ARHGAP22: variants seen among roughly 807,000 people sequenced by gnomAD.
ARHGAP22 encodes the protein Rho GTPase activating protein 22.
In ARHGAP22, 48 loss-of-function variants were observed where a neutral mutation model predicts 59.1. The observed-to-expected ratio is 0.81, with a 90% CI of 0.64 to 1.03. The LOEUF (loss-of-function observed/expected upper bound fraction) is 1.03. ARHGAP22 is among the 50% of genes least tolerant of loss of function. ARHGAP22 has a pLI of 0.00. For missense variants in ARHGAP22, 1,015 were observed against 958.7 expected (o/e 1.06, Z -0.78); for synonymous variants, 445 against 416.4 (o/e 1.07, Z -0.84).
chr10:48,587,208 A>G (rs2059481530), intron 1 of ARHGAP22, among the ~76,000 whole-genome samples: 1 of 152,156 alleles, frequency 6.6e-6, no homozygotes, highest in Non-Finnish European at 1.5e-5. Context: ...CTCCATCTCA[A>G]GCCAGCAAGG....
chr10:48,526,992 A>G (rs1013461097), intron 3 of ARHGAP22, among the ~76,000 whole-genome samples: 3 of 152,218 alleles, frequency 2.0e-5, no homozygotes, highest in African/African-American at 7.2e-5. Flanking sequence ...GGAAAATAAC[A>G]TTCACTATGT....
At chr10:48,532,133 C>G (rs754618777) in intron 3 of ARHGAP22, among the ~76,000 whole-genome samples, 3 of 152,222 alleles carry the variant, frequency 2.0e-5, no homozygotes, top group African/African-American at 7.2e-5. Context: ...GATATGTCAT[C>G]AGATCCAATC....
intron 2 of ARHGAP22, among the ~76,000 whole-genome samples, chr10:48,578,814 T>G (rs2058927073): frequency 6.6e-6 from 1 of 152,162 alleles, no homozygotes; most frequent in Non-Finnish European, 1.5e-5. Context: ...AGGAATTATA[T>G]CTCTCTGTTC....
upstream of ARHGAP22, among the ~76,000 whole-genome samples, chr10:48,655,112 C>CTCTTTTCTTT: frequency 8.3e-3 from 284 of 34,060 alleles, 17 homozygotes; most frequent in African/African-American, 0.027. Flanking sequence ...CTCTTCTCTT[C>CTCTTTTCTTT]TCTTTCCTCT....
intron 3 of ARHGAP22, among the ~76,000 whole-genome samples, chr10:48,521,973 G>A (rs751047740): frequency 3.3e-5 from 5 of 152,186 alleles, no homozygotes; most frequent in Admixed American, 6.5e-5. Context: ...AACCCTTCCC[G>A]TGTTTATTGC....
At chr10:48,637,079 C>A (rs1439625826) in intron 1 of ARHGAP22, among the ~76,000 whole-genome samples, 2 of 152,206 alleles carry the variant, frequency 1.3e-5, no homozygotes, top group Non-Finnish European at 2.9e-5. Context: ...TTGCTGCCAT[C>A]CCTGCCAGGC....
chr10:48,589,039 G>A (rs1452271762), intron 1 of ARHGAP22, among the ~76,000 whole-genome samples: 1 of 152,214 alleles, frequency 6.6e-6, no homozygotes, highest in South Asian at 2.1e-4. Context: ...GTGTGCCGAG[G>A]GGCCGCTGTC....
intron 2 of ARHGAP22, among the ~76,000 whole-genome samples, chr10:48,579,990 G>A (rs942307083): frequency 4.6e-5 from 7 of 152,230 alleles, no homozygotes; most frequent in Non-Finnish European, 8.8e-5. Context: ...AACCTGGGCA[G>A]TGGGGTGCCA....
chr10:48,607,587 G>A (rs938582879), upstream of ARHGAP22, among the ~76,000 whole-genome samples: 3 of 152,172 alleles, frequency 2.0e-5, no homozygotes, highest in Non-Finnish European at 4.4e-5. Flanking sequence ...CAAGGGCAGG[G>A]CAAGGGGATC....
chr10:48,473,510 G>A (rs1214637860), intron 4 of ARHGAP22, among the ~76,000 whole-genome samples: 1 of 151,598 alleles, frequency 6.6e-6, no homozygotes, highest in Non-Finnish European at 1.5e-5. Context: ...AGTGTTTAAT[G>A]AATGAATGAG....
intron 4 of ARHGAP22, among the ~76,000 whole-genome samples, chr10:48,468,664 T>TAA (rs762023968): frequency 2.6e-5 from 4 of 152,214 alleles, no homozygotes; most frequent in Non-Finnish European, 4.4e-5. Flanking sequence ...GGACCTAATA[T>TAA]AAGGATATTT....
chr10:48,430,923 GCTT>G, the ARHGAP22 span: 5 of 449,942 alleles, frequency 1.1e-5, no homozygotes, highest in South Asian at 9.9e-5. Context: ...GAAAAAGAAA[GCTT>G]CTACCCCAGC....
At chr10:48,625,737 C>T (rs1388620413) in intron 1 of ARHGAP22, among the ~76,000 whole-genome samples, 1 of 148,684 alleles carries the variant, frequency 6.7e-6, no homozygotes, top group African/African-American at 2.5e-5. Context: ...CACACACACA[C>T]ACCTGCTTTG....
At chr10:48,441,635 G>C (rs2045205179), downstream of ARHGAP22, among the ~76,000 whole-genome samples, 1 of 152,020 alleles carries the variant, frequency 6.6e-6, no homozygotes, top group Non-Finnish European at 1.5e-5. Context: ...TGTATTTTTA[G>C]TAGAGACAGG....
At chr10:48,523,920 C>T (rs1263637097) in intron 3 of ARHGAP22, 2 of 632,074 alleles carry the variant, frequency 3.2e-6, no homozygotes, top group Non-Finnish European at 2.3e-6. Context: ...GAGCAGCAGC[C>T]GCACCTGAGC....
In ARHGAP22 at chr10:48,605,033, C is replaced by G; in HGVS notation, c.-237G>C. The G allele has an allele frequency of 7.0e-7, 1 of 1,429,082 alleles. No homozygotes were observed. Among genetic ancestry groups the G allele is most frequent in the Non-Finnish European group, 9.1e-7 (1 of 1,093,988 alleles). The allele number at this position is 1,429,082 out of a possible 1,614,324, so 88.5% of individuals were successfully genotyped here. On this transcript the variant is annotated 5_prime_UTR_variant, in exon 1 of 10. Transcript: ENST00000249601. ...ATCCCAGAATTAATTCCCATCCAAG[C>G]GGACCATTAAAGCCTCAGTAATCAC...
chr10:48,605,686 A>G (rs1025597141), upstream of ARHGAP22, among the ~76,000 whole-genome samples: 5 of 152,198 alleles, frequency 3.3e-5, no homozygotes, highest in African/African-American at 1.2e-4. Context: ...AAATTACCCA[A>G]GGAATGCAAT....
intron 2 of ARHGAP22, among the ~76,000 whole-genome samples, chr10:48,570,973 C>T (rs2058360297): frequency 6.6e-6 from 1 of 152,194 alleles, no homozygotes; most frequent in Non-Finnish European, 1.5e-5. Context: ...CTTCTTTGGC[C>T]TCGTTTTTGA....
intron 3 of ARHGAP22, among the ~76,000 whole-genome samples, chr10:48,515,812 C>G (rs1304990114): frequency 6.6e-6 from 1 of 152,120 alleles, no homozygotes; most frequent in Non-Finnish European, 1.5e-5. Flanking sequence ...CTGAACAACT[C>G]CCTTCTAAAT....
Sources: allele counts gnomAD v4.1 joint callset (sites outside exome capture counted in the v4.1 genomes callset), GRCh38; gene constraint gnomAD v4.1.1; transcripts MANE v1.5; gene names NCBI Gene and HGNC (gene_info 2026-07-23, HGNC 2026-07-21).